OPCML: variants seen among roughly 807,000 people sequenced by gnomAD.
OPCML encodes the protein opioid binding protein/cell adhesion molecule like.
In OPCML, 13 loss-of-function variants were observed where a neutral mutation model predicts 37.8. The observed-to-expected ratio is 0.34, with a 90% CI of 0.22 to 0.55. OPCML has a LOEUF of 0.55. Ranked by LOEUF, OPCML falls within the 20% of genes least tolerant of loss-of-function variation. The pLI is 0.91. For synonymous variants in OPCML, 176 were observed against 168.8 expected, an observed-to-expected ratio of 1.04 and a Z score of -0.33; for missense variants, 341 against 435.6, an observed-to-expected ratio of 0.78 and a Z score of 1.93.
At chr11:133,434,806 A>G (rs1341452868) in intron 1 of OPCML, among the ~76,000 whole-genome samples, 2 of 107,686 alleles carry the variant, frequency 1.9e-5, no homozygotes, top group African/African-American at 7.9e-5. Flanking sequence ...ATGTATATAT[A>G]TATATATATA....
chr11:132,744,772 A>T (rs747127741), intron 2 of OPCML, among the ~76,000 whole-genome samples: 1 of 152,250 alleles, frequency 6.6e-6, no homozygotes, highest in South Asian at 2.1e-4. Flanking sequence ...GAGCAAATAA[A>T]TGCTGAGGGG....
intron 1 of OPCML, among the ~76,000 whole-genome samples, chr11:133,232,857 A>T (rs61912362): frequency 0.14 from 21,854 of 152,262 alleles, 2,320 homozygotes; most frequent in East Asian, 0.53. Flanking sequence ...TGCATCATTA[A>T]AAGTACAGAC....
intron 7 of OPCML, 101 bp from the exon 8 acceptor site, chr11:132,420,394 C>G: frequency 6.7e-7 from 1 of 1,491,136 alleles, no homozygotes. Flanking sequence ...CACCTTCCAC[C>G]CTTCCGCTGA....
At chr11:133,226,659 C>G (rs1940051749) in intron 1 of OPCML, among the ~76,000 whole-genome samples, 1 of 152,178 alleles carries the variant, frequency 6.6e-6, no homozygotes, top group African/African-American at 2.4e-5. Context: ...GCCCCGAATC[C>G]ATTACCTTCT....
chr11:132,961,965 C>T (rs1946101403), intron 1 of OPCML, among the ~76,000 whole-genome samples: 1 of 152,208 alleles, frequency 6.6e-6, no homozygotes, highest in Admixed American at 6.5e-5. Context: ...TGGATGCCCT[C>T]AGAATTCTAT....
intron 1 of OPCML, among the ~76,000 whole-genome samples, chr11:133,530,473 C>A (rs1222687303): frequency 6.6e-6 from 1 of 152,188 alleles, no homozygotes; most frequent in African/African-American, 2.4e-5. Context: ...ATGAGGAGGC[C>A]CCCCGGAGCT....
intron 1 of OPCML, among the ~76,000 whole-genome samples, chr11:133,140,186 CAATAATAATAAT>C (rs59577218): frequency 8.0e-6 from 1 of 124,802 alleles, no homozygotes; most frequent in Admixed American, 8.5e-5. Flanking sequence ...GACTCCGTCT[CAATAATAATAAT>C]AATAATAATA....
chr11:133,028,365 A>G lies in OPCML; in HGVS notation c.62-85355T>C, dbSNP rs75882625. On this transcript the variant is annotated intron_variant, in intron 1 of 7. Transcript: ENST00000524381. ...CCATCCTCTCCTGAAGGTAGTTGTCAGGAGCTTACTCTTGCCTCATCTGCT... is the reference window on the plus strand; with the variant it reads ...CCATCCTCTCCTGAAGGTAGTTGTCGGGAGCTTACTCTTGCCTCATCTGCT... Among the ~76,000 whole-genome samples the G allele has an allele frequency of 5.8e-3, 880 of 152,268 alleles. 6 individuals are homozygous for G. The highest frequency in any genetic ancestry group is 0.02 in the African/African-American group (831 of 41,556).
chr11:133,189,023 CT>C lies in OPCML; in HGVS notation c.62-246014del, dbSNP rs573648560. The stretch of plus-strand genomic sequence containing the variant: ...AGCCCTTGGCCCTTGTCCCCTGCCA[CT>C]CCCCACTCCTCAAATAAATGGGCAA... On this transcript the variant is annotated intron_variant, in intron 1 of 7. Coordinates refer to ENST00000524381, the MANE Select transcript of OPCML (RefSeq NM_001012393.5). Among the ~76,000 whole-genome samples, 285 of 152,308 alleles carry C rather than the reference CT, an allele frequency of 1.9e-3. 2 individuals are homozygous for C. Among genetic ancestry groups the C allele is most frequent in the Non-Finnish European group, 1.7e-3 (113 of 68,028 alleles).
intron 1 of OPCML, among the ~76,000 whole-genome samples, chr11:133,476,776 C>T (rs562565790): frequency 3.9e-5 from 6 of 152,212 alleles, no homozygotes; most frequent in East Asian, 1.9e-4. Context: ...CCCGGAGGGC[C>T]GGTAGTTTTG....
At chr11:133,120,928 T>C (rs112868826) in intron 1 of OPCML, among the ~76,000 whole-genome samples, 4,331 of 152,210 alleles carry the variant, frequency 0.028, 199 homozygotes, top group African/African-American at 0.1. Flanking sequence ...CCCCATCATA[T>C]TAATTCTTTT....
At chr11:133,297,823 A>C (rs1335057968) in intron 1 of OPCML, 1 of 152,178 alleles carries the variant, frequency 6.6e-6, no homozygotes, top group Non-Finnish European at 1.5e-5. Flanking sequence ...TCCTGAAAAC[A>C]TCCATTAGGA....
At chr11:133,224,218 T>A (rs764914435) in intron 1 of OPCML, among the ~76,000 whole-genome samples, 2 of 152,082 alleles carry the variant, frequency 1.3e-5, no homozygotes, top group Non-Finnish European at 2.9e-5. Context: ...CTGGTCTCCC[T>A]AAGCCACCTC....
At chr11:132,742,853 A>G in intron 2 of OPCML, among the ~76,000 whole-genome samples, 2 of 151,410 alleles carry the variant, frequency 1.3e-5, no homozygotes, top group South Asian at 4.2e-4. Flanking sequence ...TACATATATA[A>G]TAATTCCTTC....
intron 2 of OPCML, among the ~76,000 whole-genome samples, chr11:132,759,633 G>C (rs1946189702): frequency 6.6e-6 from 1 of 152,112 alleles, no homozygotes; most frequent in African/African-American, 2.4e-5. Context: ...GTTTCTTTGG[G>C]ATCAGTGGTG....
chr11:132,988,795 A>G (rs1156488836), intron 1 of OPCML, among the ~76,000 whole-genome samples: 1 of 152,210 alleles, frequency 6.6e-6, no homozygotes, highest in Non-Finnish European at 1.5e-5. Context: ...TCTCAATTAG[A>G]TTGAAAATGG....
intron 1 of OPCML, among the ~76,000 whole-genome samples, chr11:132,992,380 C>G (rs2136821499): frequency 6.6e-6 from 1 of 152,168 alleles, no homozygotes; most frequent in Non-Finnish European, 1.5e-5. Flanking sequence ...AAGAGAAACT[C>G]CTATTCATAT....
intron 4 of OPCML, among the ~76,000 whole-genome samples, chr11:132,443,356 G>C (rs945799054): frequency 6.6e-6 from 1 of 152,204 alleles, no homozygotes; most frequent in Admixed American, 6.5e-5. Flanking sequence ...AAGCCAGTGG[G>C]AGTGGGCAGA....
At chr11:133,313,752 A>T (rs1943121739) in intron 1 of OPCML, among the ~76,000 whole-genome samples, 1 of 152,156 alleles carries the variant, frequency 6.6e-6, no homozygotes. Flanking sequence ...ACACCATCCT[A>T]CCGACACCCT....
Sources: allele counts gnomAD v4.1 joint callset (sites outside exome capture counted in the v4.1 genomes callset), GRCh38; gene constraint gnomAD v4.1.1; transcripts MANE v1.5; gene names NCBI Gene and HGNC (gene_info 2026-07-23, HGNC 2026-07-21).